GRIP1: variants seen among roughly 807,000 people sequenced by gnomAD.
GRIP1 encodes the protein glutamate receptor interacting protein 1, also known as glutamate receptor-interacting protein 1.
GRIP1 carries 45 observed loss-of-function variants against 129.9 expected under a neutral mutation model. The observed-to-expected ratio is 0.35, with a 90% CI of 0.27 to 0.44. GRIP1 has a LOEUF of 0.44. Among genes scored for constraint, GRIP1 ranks in the 20% least tolerant of loss-of-function variants. The pLI, the probability that GRIP1 is intolerant of heterozygous loss-of-function variation, is 1.00. For missense variants in GRIP1, 1,196 were observed against 1,396.8 expected (o/e 0.86, Z 2.29); for synonymous variants, 530 against 520.8 (o/e 1.02, Z -0.24).
intron 2 of GRIP1, among the ~76,000 whole-genome samples, chr12:66,583,190 A>T (rs2063473791): frequency 3.3e-5 from 5 of 151,104 alleles, no homozygotes. Flanking sequence ...GTGCTGGGAA[A>T]ACTGGCTAGC....
intron 1 of GRIP1, among the ~76,000 whole-genome samples, chr12:66,775,307 G>T (rs1485234229): frequency 2.0e-5 from 3 of 152,218 alleles, no homozygotes; most frequent in African/African-American, 7.2e-5. Flanking sequence ...AAAGTTGACA[G>T]TGTCTGTTAA....
chr12:66,840,141 C>A (rs1273075325), intron 1 of GRIP1, among the ~76,000 whole-genome samples: 1 of 152,032 alleles, frequency 6.6e-6, no homozygotes, highest in African/African-American at 2.4e-5. Flanking sequence ...ACCTCAAGCA[C>A]ACAAGATAAA....
chr12:66,634,222 G>A (rs1443314621), intron 1 of GRIP1, among the ~76,000 whole-genome samples: 1 of 152,186 alleles, frequency 6.6e-6, no homozygotes, highest in Non-Finnish European at 1.5e-5. Context: ...AGATAAAGAA[G>A]TATAGCAGTA....
At chr12:66,562,430 T>C (rs977051834) in intron 2 of GRIP1, among the ~76,000 whole-genome samples, 1 of 152,210 alleles carries the variant, frequency 6.6e-6, no homozygotes, top group Non-Finnish European at 1.5e-5. Context: ...TGAGGCTCAT[T>C]TGGCAAGTTT....
chr12:66,395,103 T>C (rs548528080), intron 16 of GRIP1, among the ~76,000 whole-genome samples: 4 of 152,360 alleles, frequency 2.6e-5, no homozygotes, highest in African/African-American at 9.6e-5. Context: ...AACATTATTA[T>C]AGTTGAAGAC....
intron 1 of GRIP1, among the ~76,000 whole-genome samples, chr12:66,767,041 C>T (rs7962776): frequency 0.56 from 85,456 of 152,034 alleles, 24,112 homozygotes; most frequent in Middle Eastern, 0.66. Flanking sequence ...TATACTACAA[C>T]GTTTTAATGC....
intron 1 of GRIP1, among the ~76,000 whole-genome samples, chr12:66,662,188 C>T (rs557406344): frequency 2.6e-4 from 39 of 152,172 alleles, no homozygotes; most frequent in African/African-American, 9.4e-4. Context: ...ATTCAAAATG[C>T]CCCTCTAGAG....
At chr12:66,957,994 C>A (rs540841290) in intron 1 of GRIP1, among the ~76,000 whole-genome samples, 9 of 152,002 alleles carry the variant, frequency 5.9e-5, no homozygotes, top group Non-Finnish European at 1.2e-4. Context: ...TATTTTAGTA[C>A]ACACTCATAA....
At chr12:66,607,548 G>A (rs976777793) in intron 1 of GRIP1, among the ~76,000 whole-genome samples, 3 of 152,132 alleles carry the variant, frequency 2.0e-5, no homozygotes, top group Non-Finnish European at 4.4e-5. Flanking sequence ...TAGCCAGAGT[G>A]GGGAATAAAT....
chr12:67,008,075 T>C (rs528664463), intron 1 of GRIP1, among the ~76,000 whole-genome samples: 1 of 152,174 alleles, frequency 6.6e-6, no homozygotes, highest in African/African-American at 2.4e-5. Flanking sequence ...AAAGCTTCTA[T>C]GACATAGGAT....
At chr12:66,487,146 G>A (rs951082156) in intron 7 of GRIP1, among the ~76,000 whole-genome samples, 2 of 152,082 alleles carry the variant, frequency 1.3e-5, no homozygotes, top group African/African-American at 4.8e-5. Context: ...GGCACACTTT[G>A]TACATACCAT....
At chr12:66,586,434 C>A (rs1313984512) in intron 2 of GRIP1, among the ~76,000 whole-genome samples, 1 of 152,150 alleles carries the variant, frequency 6.6e-6, no homozygotes, top group African/African-American at 2.4e-5. Flanking sequence ...ACCTCTGAGG[C>A]TTAGTATGCC....
chr12:66,927,121 T>C (rs997781412), intron 1 of GRIP1, among the ~76,000 whole-genome samples: 1 of 152,228 alleles, frequency 6.6e-6, no homozygotes, highest in Non-Finnish European at 1.5e-5. Flanking sequence ...TTATTACTTG[T>C]CTATACCCTC....
rs891493083 is a variant in GRIP1 at position 67,062,457 on chromosome 12, A to G, written c.58+6593T>C. ...TCCTTCTATCCCCTCCCAACTCTCT[A>G]ATCTCCTCCCCTTCCTTCAAGTCTT... On this transcript the variant is annotated intron_variant, in intron 1 of 1. Coordinates refer to the GRIP1 transcript ENST00000643019. Among the ~76,000 whole-genome samples the G allele has an allele frequency of 4.6e-5, 7 of 151,708 alleles. 2 individuals carry two copies. Among genetic ancestry groups the G allele is most frequent in the Admixed American group, 4.6e-4 (7 of 15,226 alleles).
chr12:66,392,405 G>C lies in GRIP1; in HGVS notation c.2367C>G (p.Gly789=), dbSNP rs1222152092. The change falls in exon 19 of 25, where the codon GGC becomes GGG. Residue 789 remains glycine, a synonymous_variant. Coordinates refer to ENST00000359742, the MANE Select transcript of GRIP1 (RefSeq NM_001366722.1). ...EEDSSPAQKP[G]KLSDMYPSTV... is the part of the protein sequence containing the mutation. The stretch of plus-strand genomic sequence containing the variant: ...TGGAGGGGTACATGTCGGAGAGCTT[G>C]CCTGGCTTCTGTGCTGGTGAGGAGT... The C allele has an allele frequency of 5.6e-6, 9 of 1,613,928 alleles. No individual in the cohort carries two copies. In the South Asian group the frequency reaches 8.8e-5, roughly 16 times the overall value.
intron 2 of GRIP1, among the ~76,000 whole-genome samples, chr12:66,575,302 C>T (rs2063104814): frequency 6.6e-6 from 1 of 152,112 alleles, no homozygotes; most frequent in South Asian, 2.1e-4. Context: ...TCTTCATGCA[C>T]AGGTGTGAGT....
At chr12:66,736,557 C>A (rs1374552941) in intron 1 of GRIP1, among the ~76,000 whole-genome samples, 1 of 151,480 alleles carries the variant, frequency 6.6e-6, no homozygotes, top group African/African-American at 2.4e-5. Context: ...TCATAAGGGT[C>A]TTCATCCTCC....
chr12:66,940,051 A>G (rs929956734), intron 1 of GRIP1, among the ~76,000 whole-genome samples: 1 of 152,172 alleles, frequency 6.6e-6, no homozygotes, highest in African/African-American at 2.4e-5. Flanking sequence ...AAATCTTATT[A>G]GTAGAAAAAA....
intron 1 of GRIP1, among the ~76,000 whole-genome samples, chr12:66,993,996 A>G (rs1367116619): frequency 1.3e-5 from 2 of 152,250 alleles, no homozygotes; most frequent in East Asian, 1.9e-4. Flanking sequence ...TATAACAACT[A>G]AAGCAATTAA....
Sources: allele counts gnomAD v4.1 joint callset (sites outside exome capture counted in the v4.1 genomes callset), GRCh38; gene constraint gnomAD v4.1.1; transcripts MANE v1.5; gene names NCBI Gene and HGNC (gene_info 2026-07-23, HGNC 2026-07-21).